CABLES1: variants seen among roughly 807,000 people sequenced by gnomAD.
CABLES1 encodes Cdk5 and Abl enzyme substrate 1.
CABLES1 carries 36 observed loss-of-function variants against 57.8 expected under a neutral mutation model. The ratio of observed to expected loss-of-function variants is 0.62; its 90% CI spans 0.48 to 0.82. CABLES1 has a LOEUF of 0.82. Ranked by LOEUF, CABLES1 falls within the 40% of genes least tolerant of loss-of-function variation. The pLI, the probability that CABLES1 is intolerant of heterozygous loss-of-function variation, is 0.00. For synonymous variants in CABLES1, 374 were observed against 363.0 expected, an observed-to-expected ratio of 1.03 and a Z score of -0.35; for missense variants, 767 against 836.6, an observed-to-expected ratio of 0.92 and a Z score of 1.03.
intron 4 of CABLES1, among the ~76,000 whole-genome samples, chr18:23,224,858 C>T (rs1040617691): frequency 2.6e-5 from 4 of 151,862 alleles, no homozygotes; most frequent in East Asian, 1.9e-4. Flanking sequence ...CGTGAGCCAC[C>T]GCACCCGGCC....
chr18:23,146,708 T>C (rs569383829), intron 1 of CABLES1, among the ~76,000 whole-genome samples: 2 of 152,326 alleles, frequency 1.3e-5, no homozygotes, highest in South Asian at 4.1e-4. Context: ...TTTTTAAAAA[T>C]CAAGTAATTT....
At chr18:23,237,003 G>T in intron 6 of CABLES1, 139 bp from the exon 7 acceptor site, 2 of 642,852 alleles carry the variant, frequency 3.1e-6, no homozygotes, top group Non-Finnish European at 2.9e-6. Flanking sequence ...AAAAGTCAGT[G>T]AGTGCCGTGA....
chr18:23,213,151 A>G (rs1024638585), intron 3 of CABLES1, among the ~76,000 whole-genome samples: 7 of 152,182 alleles, frequency 4.6e-5, no homozygotes, highest in African/African-American at 1.7e-4. Context: ...ATGTAGTAGT[A>G]GAACCATTTT....
intron 1 of CABLES1, among the ~76,000 whole-genome samples, chr18:23,152,863 G>A (rs984619718): frequency 1.7e-4 from 26 of 149,272 alleles, no homozygotes; most frequent in Non-Finnish European, 3.4e-4. Context: ...GTGCAATGGC[G>A]TGATCTTGGC....
intron 1 of CABLES1, among the ~76,000 whole-genome samples, chr18:23,148,138 C>G (rs534521917): frequency 6.6e-6 from 1 of 151,922 alleles, no homozygotes; most frequent in Non-Finnish European, 1.5e-5. Flanking sequence ...TACAGGCGCC[C>G]GCCACCATGC....
At chr18:23,238,079 C>G (rs1056549663) in intron 7 of CABLES1, among the ~76,000 whole-genome samples, 32 of 152,280 alleles carry the variant, frequency 2.1e-4, no homozygotes, top group Admixed American at 2.1e-3. Context: ...GGGGCCGGCA[C>G]AGCCGAGCGC....
rs1315614670 is a variant in CABLES1 at position 23,235,208 on chromosome 18, C to G, written c.1185+504C>G. 6.6e-5 allele frequency among the ~76,000 whole-genome samples: 10 copies of G among 152,266 alleles called. No individual in the cohort carries two copies. The East Asian group carries it at 1.9e-3, about 29-fold the overall frequency. On this transcript the variant is annotated intron_variant, in intron 5 of 9. Transcript: ENST00000256925. ...GTGAAAGGTTGAAAGATGACCCTGC[C>G]CTTTGTGCAGGGTCCAGACGGTCCT...
chr18:23,137,829 G>A (rs137866653), intron 1 of CABLES1, among the ~76,000 whole-genome samples: 2 of 152,302 alleles, frequency 1.3e-5, no homozygotes, highest in East Asian at 1.9e-4. Context: ...CGCATGGCCC[G>A]CAAGCCAGGG....
At chr18:23,138,412 A>T (rs1490961651) in intron 1 of CABLES1, among the ~76,000 whole-genome samples, 1 of 152,226 alleles carries the variant, frequency 6.6e-6, no homozygotes. Context: ...TTTACCTGAC[A>T]GTCACTTTCA....
Position 23,184,690 on chromosome 18 carries a change from G to A in CABLES1, c.846-4148G>A, listed in dbSNP as rs376607610. Reference sequence around the variant, plus strand: ...TGCACTCCATCCTGGGTGACAGAGCGAGACTCTGTCTCAGAAAAAAATAAA... The same window carrying A: ...TGCACTCCATCCTGGGTGACAGAGCAAGACTCTGTCTCAGAAAAAAATAAA... On this transcript the variant is annotated intron_variant, in intron 1 of 9. Coordinates refer to ENST00000256925, the MANE Select transcript of CABLES1 (RefSeq NM_001100619.3). Among the ~76,000 whole-genome samples, 42 of 152,240 alleles carry A rather than the reference G, an allele frequency of 2.8e-4. No homozygotes were observed. In the South Asian group the frequency reaches 8.3e-3, roughly 30 times the overall value.
chr18:23,210,505 C>G (rs1253617134), intron 3 of CABLES1, among the ~76,000 whole-genome samples: 1 of 152,208 alleles, frequency 6.6e-6, no homozygotes, highest in Non-Finnish European at 1.5e-5. Context: ...ATCTGATTCT[C>G]TTCTTGTGTA....
intron 2 of CABLES1, 65 bp from the exon 3 acceptor site, chr18:23,194,383 T>C (rs2047266584): frequency 4.1e-6 from 4 of 985,826 alleles, no homozygotes; most frequent in Admixed American, 1.8e-5. Context: ...CCTGTCTTTA[T>C]GTGGAGACGT....
rs148616907 is a variant in CABLES1 at position 23,152,671 on chromosome 18, G to A, written c.845+16064G>A. Among the ~76,000 whole-genome samples, 386 of 151,894 alleles carry A rather than the reference G, an allele frequency of 2.5e-3. 2 individuals are homozygous for A. The highest frequency in any genetic ancestry group is 8.7e-3 in the African/African-American group (361 of 41,402). ...GGCTAATTTTTGTATTTTTGGTAGA[G>A]ATGGGGTTTCACCATGTTGGCCAGG... On this transcript the variant is annotated intron_variant, in intron 1 of 9. Coordinates refer to ENST00000256925, the MANE Select transcript of CABLES1 (RefSeq NM_001100619.3).
upstream of CABLES1, chr18:23,134,609 G>GTT: frequency 6.6e-6 from 1 of 152,332 alleles, no homozygotes; most frequent in Middle Eastern, 3.4e-3. Context: ...ATTGGTCCCA[G>GTT]TTTATGAGGG....
intron 4 of CABLES1, among the ~76,000 whole-genome samples, chr18:23,224,974 C>T (rs1035638695): frequency 1.3e-5 from 2 of 152,112 alleles, no homozygotes; most frequent in Admixed American, 6.5e-5. Context: ...CTCAAGCGAT[C>T]CTCCTACCTC....
chr18:23,179,584 C>G (rs753089573), intron 1 of CABLES1, among the ~76,000 whole-genome samples: 4 of 152,244 alleles, frequency 2.6e-5, no homozygotes, highest in Admixed American at 6.5e-5. Flanking sequence ...GTCACCCCAG[C>G]CTGGTGACCT....
At chr18:23,226,738 G>A (rs954873614) in intron 4 of CABLES1, among the ~76,000 whole-genome samples, 5 of 152,182 alleles carry the variant, frequency 3.3e-5, no homozygotes, top group East Asian at 1.9e-4. Context: ...TAAGGGAACC[G>A]ACACCAGCCA....
At chr18:23,156,259 G>A (rs2046965220) in intron 1 of CABLES1, among the ~76,000 whole-genome samples, 1 of 152,224 alleles carries the variant, frequency 6.6e-6, no homozygotes, top group African/African-American at 2.4e-5. Flanking sequence ...GAGGCCCTGG[G>A]AGGTGAGCCT....
intron 4 of CABLES1, among the ~76,000 whole-genome samples, chr18:23,220,688 G>A (rs2047480645): frequency 6.6e-6 from 1 of 152,164 alleles, no homozygotes; most frequent in Non-Finnish European, 1.5e-5. Context: ...GCTCTCATAG[G>A]TGTGCCACAC....
Sources: allele counts gnomAD v4.1 joint callset (sites outside exome capture counted in the v4.1 genomes callset), GRCh38; gene constraint gnomAD v4.1.1; transcripts MANE v1.5; gene names NCBI Gene and HGNC (gene_info 2026-07-23, HGNC 2026-07-21).